Variants in DAP3 observed in about 807,000 individuals in gnomAD.
DAP3 encodes death associated protein 3.
A neutral mutation model predicts 51.9 loss-of-function variants in DAP3; 28 were observed. The ratio of observed to expected loss-of-function variants is 0.54; its 90% CI spans 0.40 to 0.74. The LOEUF is 0.74. Ranked by LOEUF, DAP3 falls within the 30% of genes least tolerant of loss-of-function variation. The probability of loss-of-function intolerance (pLI) is 0.00; values close to 1 mark genes in which losing one functional copy is unlikely to be tolerated. For synonymous variants in DAP3, 170 were observed against 170.3 expected (o/e 1.00, Z 0.01); for missense variants, 458 against 483.5 (o/e 0.95, Z 0.49).
intron 5 of DAP3, 74 bp from the exon 6 acceptor site, chr1:155,725,853 A>G (rs1658519179): frequency 6.8e-7 from 1 of 1,467,396 alleles, no homozygotes; most frequent in Non-Finnish European, 9.4e-7. Context: ...TCAAAAAAAC[A>G]AAACAAAGCA....
chr1:155,701,055 G>T (rs1223974136), intron 1 of DAP3, among the ~76,000 whole-genome samples: 2 of 135,080 alleles, frequency 1.5e-5, no homozygotes, highest in South Asian at 2.3e-4. Context: ...GGGAGGTGGG[G>T]GGGGGTCAGC....
upstream of DAP3, chr1:155,689,089 T>C: frequency 6.9e-7 from 1 of 1,441,084 alleles, no homozygotes; most frequent in African/African-American, 1.4e-5. Flanking sequence ...CGACCCTTTT[T>C]TGCAGTCTCA....
At chr1:155,736,896 G>A in intron 11 of DAP3, 50 bp from the exon 12 acceptor site, 1 of 1,410,682 alleles carries the variant, frequency 7.1e-7, no homozygotes, top group Non-Finnish European at 1.0e-6. Flanking sequence ...CTGTCTGTCT[G>A]GTGCTTTGTT....
chr1:155,710,123 C>T, intron 2 of DAP3: 1 of 274,624 alleles, frequency 3.6e-6, no homozygotes, highest in Middle Eastern at 1.1e-3. Context: ...TGCCAATTTA[C>T]AGCTTTAGCA....
At chr1:155,693,829 C>T (rs897929635) in intron 1 of DAP3, among the ~76,000 whole-genome samples, 1 of 141,358 alleles carries the variant, frequency 7.1e-6, no homozygotes, top group East Asian at 1.9e-4. Flanking sequence ...GGTGTGGTGG[C>T]ACATGCCTGT....
chr1:155,702,422 A>G (rs1270623320), intron 1 of DAP3, among the ~76,000 whole-genome samples: 1 of 151,912 alleles, frequency 6.6e-6, no homozygotes. Context: ...GCCGTGAGCC[A>G]ATGAGCTGAG....
upstream of DAP3, chr1:155,688,950 G>A: frequency 6.2e-7 from 1 of 1,612,132 alleles, no homozygotes; most frequent in Non-Finnish European, 8.5e-7. Flanking sequence ...TCGTCGCCGC[G>A]GCGCTGCGGC....
chr1:155,703,569 GC>G (rs1465675809), intron 1 of DAP3, among the ~76,000 whole-genome samples: 1 of 152,156 alleles, frequency 6.6e-6, no homozygotes, highest in Non-Finnish European at 1.5e-5. Context: ...ACAGGGTCTT[GC>G]TCTGTCGCCC....
At chr1:155,733,377 T>G (rs1231429013) in intron 11 of DAP3, among the ~76,000 whole-genome samples, 1 of 152,252 alleles carries the variant, frequency 6.6e-6, no homozygotes, top group African/African-American at 2.4e-5. Context: ...AAGATCCTGT[T>G]ACTTCTCAAA....
intron 1 of DAP3, among the ~76,000 whole-genome samples, chr1:155,690,488 C>T (rs989985360): frequency 7.1e-6 from 1 of 141,184 alleles, no homozygotes. Flanking sequence ...CAAAGTTAGC[C>T]GAGATCACGC....
rs562537823 is a variant in DAP3 at position 155,705,020 on chromosome 1, G to T, written c.-7-4753G>T. On this transcript the variant is annotated intron_variant, in intron 1 of 12. Transcript: ENST00000368336. ...ATCCAGTATATTTAAGGCCAAGTGCGATGGCTCATACCTGTAATCCCAGCA... is the reference window on the plus strand; with the variant it reads ...ATCCAGTATATTTAAGGCCAAGTGCTATGGCTCATACCTGTAATCCCAGCA... Among the ~76,000 whole-genome samples the T allele has an allele frequency of 7.0e-4, 106 of 152,250 alleles. 1 individual carries two copies. Among genetic ancestry groups the T allele is most frequent in the African/African-American group, 2.5e-3 (103 of 41,552 alleles).
chr1:155,712,474 C>T (rs539777141), intron 2 of DAP3, among the ~76,000 whole-genome samples: 61 of 152,066 alleles, frequency 4.0e-4, no homozygotes, highest in Middle Eastern at 3.4e-3. Context: ...TAGCCAGGCG[C>T]GGTGGCGCAT....
At chr1:155,730,857 G>A (rs571829120) in intron 9 of DAP3, among the ~76,000 whole-genome samples, 3 of 152,234 alleles carry the variant, frequency 2.0e-5, no homozygotes, top group African/African-American at 2.4e-5. Flanking sequence ...GGCAGTGGGT[G>A]TTTTTCTCAG....
upstream of DAP3, chr1:155,688,688 ACCT>A (rs1267304800): frequency 5.3e-6 from 8 of 1,523,636 alleles, no homozygotes; most frequent in East Asian, 1.7e-4. Context: ...AGCCTTCTCC[ACCT>A]CCTCTTCTCT....
chr1:155,712,774 C>CA (rs145339557), intron 2 of DAP3, among the ~76,000 whole-genome samples: 9,592 of 147,460 alleles, frequency 0.065, 1,036 homozygotes, highest in African/African-American at 0.22. Context: ...TACCCTATGT[C>CA]AAAAAAAAAA....
In DAP3 at chr1:155,736,145, T is replaced by C. The variant is rs537162193; in HGVS notation, c.994-801T>C. On this transcript the variant is annotated intron_variant, in intron 11 of 12. Transcript: ENST00000368336. ...TGAGCCACCGTGCCCGGCTAATTTT[T>C]GTATTTTTAGTAGAGACAGTAATTT... Among the ~76,000 whole-genome samples the C allele has an allele frequency of 2.0e-5, 3 of 151,978 alleles. No homozygotes were observed. In the South Asian group the frequency reaches 6.2e-4, roughly 32 times the overall value.
chr1:155,688,528 C>T (rs1653050860), upstream of DAP3: 1 of 1,544,422 alleles, frequency 6.5e-7, no homozygotes, highest in Non-Finnish European at 8.7e-7. Flanking sequence ...CTGCTCCCAC[C>T]AACCACCACC....
chr1:155,724,471 TA>T (rs777117132), intron 4 of DAP3, among the ~76,000 whole-genome samples: 2 of 151,090 alleles, frequency 1.3e-5, no homozygotes, highest in Non-Finnish European at 2.9e-5. Flanking sequence ...CTGTCTCTAC[TA>T]AAATTACAAA....
chr1:155,717,486 G>A (rs552778), intron 3 of DAP3, among the ~76,000 whole-genome samples: 25,076 of 152,152 alleles, frequency 0.16, 4,529 homozygotes, highest in African/African-American at 0.45. Flanking sequence ...TGGGTGACAG[G>A]CTTTTTCTTA....
Sources: allele counts gnomAD v4.1 joint callset (sites outside exome capture counted in the v4.1 genomes callset), GRCh38; gene constraint gnomAD v4.1.1; transcripts MANE v1.5; gene names NCBI Gene and HGNC (gene_info 2026-07-23, HGNC 2026-07-21).